The following SMG1 variants were observed in gnomAD, a reference collection of about 807,000 sequenced individuals.
SMG1 encodes serine/threonine-protein kinase SMG1.
SMG1 carries 22 observed loss-of-function variants against 419.9 expected under a neutral mutation model. The ratio of observed to expected loss-of-function variants is 0.05; its 90% CI spans 0.04 to 0.07. The LOEUF (loss-of-function observed/expected upper bound fraction) is 0.07. Ranked by LOEUF, SMG1 falls within the 10% of genes least tolerant of loss-of-function variation. The pLI is 1.00. For synonymous variants in SMG1, 1,538 were observed against 1,553.5 expected (o/e 0.99, Z 0.23); for missense variants, 3,185 against 4,342.0 (o/e 0.73, Z 7.49).
chr16:18,830,165 T>A (rs1567330690), intron 52 of SMG1, 50 bp from the exon 53 acceptor site: 1 of 1,608,496 alleles, frequency 6.2e-7, no homozygotes, highest in East Asian at 2.2e-5. Context: ...TTGACACAAC[T>A]GAACAACTAC....
intron 1 of SMG1, among the ~76,000 whole-genome samples, chr16:18,919,049 C>T (rs567112735): frequency 6.6e-6 from 1 of 152,012 alleles, no homozygotes; most frequent in South Asian, 2.1e-4. Flanking sequence ...GGCCGTGGCC[C>T]AGTGCAGTAG....
At chr16:18,841,890 T>C in intron 40 of SMG1, 96 bp from the exon 41 acceptor site, 3 of 1,012,136 alleles carry the variant, frequency 3.0e-6, no homozygotes, top group Non-Finnish European at 4.6e-6. Flanking sequence ...AGTCAAAAAC[T>C]GACAGTCCAT....
intron 33 of SMG1, 69 bp from the exon 34 acceptor site, chr16:18,850,536 G>A: frequency 1.8e-6 from 2 of 1,090,452 alleles, no homozygotes; most frequent in Non-Finnish European, 2.6e-6. Flanking sequence ...TATGTAATTT[G>A]ACTATCATAA....
In SMG1 at chr16:18,805,513, T is replaced by C. The variant is rs915600020; in HGVS notation, c.*4056A>G. 1 of 152,172 alleles carries C rather than the reference T, an allele frequency of 6.6e-6. No individual in the cohort carries two copies. The highest frequency in any genetic ancestry group is 2.1e-4 in the South Asian group (1 of 4,830). 9.4% of individuals were successfully genotyped at this position (152,172 alleles called of 1,614,324 possible). A position where few individuals can be genotyped will look rare whatever the true frequency, so the allele number is the denominator to read the frequency against. Reference sequence around the variant, plus strand: ...AGCTTTTCTCATTAAGAGTCAGTTTTACCCTTCTGTAAATAAGGATGGTGA... The same window carrying C: ...AGCTTTTCTCATTAAGAGTCAGTTTCACCCTTCTGTAAATAAGGATGGTGA... On this transcript the variant is annotated 3_prime_UTR_variant, in exon 63 of 63. Transcript: ENST00000446231.
In SMG1 at chr16:18,839,950, A is replaced by G; in HGVS notation, c.6697-4T>C. On this transcript the variant is annotated splice_region_variant and splice_polypyrimidine_tract_variant and intron_variant, in intron 41 of 62. Coordinates refer to ENST00000446231, the MANE Select transcript of SMG1 (RefSeq NM_015092.5). ...GAGTTTGGTAGGAATCTTGGGCCTT[A>G]AGAAAAAACAATTTTTTTAAAAAAG... 6.5e-7 allele frequency: 1 copy of G among 1,532,050 alleles called. No homozygotes were observed. The highest frequency in any genetic ancestry group is 8.8e-7 in the Non-Finnish European group (1 of 1,138,348). The allele number at this position is 1,532,050 out of a possible 1,614,324, so 94.9% of individuals were successfully genotyped here. A position where few individuals can be genotyped will look rare whatever the true frequency, so the allele number is the denominator to read the frequency against.
chr16:18,817,524 G>T (rs1237681848), intron 56 of SMG1, 54 bp from the exon 57 acceptor site: 2 of 1,388,134 alleles, frequency 1.4e-6, no homozygotes, highest in African/African-American at 2.9e-5. Flanking sequence ...GTGGGAAAGG[G>T]AGGTGGCAAT....
intron 1 of SMG1, among the ~76,000 whole-genome samples, chr16:18,900,751 T>C (rs569412507): frequency 8.6e-4 from 131 of 152,308 alleles, no homozygotes; most frequent in Non-Finnish European, 1.4e-3. Context: ...ACTTATTCTC[T>C]AAAGTAGCAA....
intron 40 of SMG1, 48 bp downstream of exon 40, chr16:18,842,160 A>G (rs2033963845): frequency 1.3e-6 from 2 of 1,557,048 alleles, no homozygotes; most frequent in African/African-American, 1.4e-5. Flanking sequence ...ACAAAGCATT[A>G]GTAAGACTAA....
Position 18,834,255 on chromosome 16 carries a change from C to A in SMG1, c.8514G>T (p.Met2838Ile), listed in dbSNP as rs1190458019. 6 of 1,609,582 alleles carry A rather than the reference C, an allele frequency of 3.7e-6. No homozygotes were observed. Among genetic ancestry groups the A allele is most frequent in the Non-Finnish European group, 4.2e-6 (5 of 1,177,956 alleles). The change falls in exon 50 of 63, where the codon ATG (methionine) becomes ATT (isoleucine). Residue 2838 changes from methionine (M) to isoleucine (I), a missense_variant. By Grantham distance (10) the Met-to-Ile change is conservative (BLOSUM62 1). Coordinates refer to ENST00000446231, the MANE Select transcript of SMG1 (RefSeq NM_015092.5). ...CTAAGTGAACTGTCTCAGACGCTTC[C>A]ATGGGGTTCGGGATATCTAAGTCCT... The part of the protein sequence containing the change: ...VPQDLDIPNP[M>I]EASETVHLAN...
In SMG1 at chr16:18,842,322, T is replaced by C. The variant is rs768643965; in HGVS notation, c.6352A>G (p.Thr2118Ala). Residue 2118 changes from threonine to alanine, a missense_variant, in exon 40 of 63, where the codon ACT (threonine) becomes GCT (alanine). Coordinates refer to ENST00000446231, the MANE Select transcript of SMG1 (RefSeq NM_015092.5). ...ALPGEVSARD[T>A]VTIHSVGGTI... ...CCGCCCACACTATGGATTGTGACAG[T>C]GTCTCTGGCTGAGACTTCCCCAGGA... The C allele has an allele frequency of 2.0e-5, 33 of 1,613,936 alleles. No homozygotes were observed. Among genetic ancestry groups the C allele is most frequent in the Non-Finnish European group, 2.8e-5 (33 of 1,179,898 alleles).
rs1166852712 is a variant in SMG1, at chr16:18,872,176, T to C, written c.2183+8A>G. On this transcript the variant is annotated splice_region_variant and intron_variant, in intron 15 of 62. Coordinates refer to ENST00000446231, the MANE Select transcript of SMG1 (RefSeq NM_015092.5). ...TAGGAATAGTTAATACTATATAATA[T>C]CTGTTACCTCGTGTCCTGGTTAAGG... The C allele has an allele frequency of 7.1e-7, 1 of 1,406,254 alleles. No homozygotes were observed. Among genetic ancestry groups the C allele is most frequent in the Admixed American group, 2.0e-5 (1 of 48,850 alleles). The allele number at this position is 1,406,254 out of a possible 1,614,324, so 87.1% of individuals were successfully genotyped here.
chr16:18,845,775 G>GCAAAC, intron 38 of SMG1, 124 bp from the exon 39 acceptor site: 1 of 725,950 alleles, frequency 1.4e-6, no homozygotes, highest in Non-Finnish European at 2.2e-6. Context: ...TCTAAATAAA[G>GCAAAC]CAATAACATA....
Position 18,926,372 on chromosome 16 carries a change from G to A in SMG1, c.-331C>T, listed in dbSNP as rs1433690205. Reference sequence around the variant, plus strand: ...CGGAGGACGAGGACGACGAGGAGCAGGCGGTGGCGGCAGCTCCTCACGCTC... The same window carrying A: ...CGGAGGACGAGGACGACGAGGAGCAAGCGGTGGCGGCAGCTCCTCACGCTC... On this transcript the variant is annotated 5_prime_UTR_variant, in exon 1 of 63. Transcript: ENST00000446231. 3 of 300,582 alleles carry A rather than the reference G, an allele frequency of 1.0e-5. No homozygotes were observed. The highest frequency in any genetic ancestry group is 1.8e-5 in the Non-Finnish European group (3 of 162,540). 18.6% of individuals were successfully genotyped at this position (300,582 alleles called of 1,614,324 possible).
intron 8 of SMG1, chr16:18,884,806 C>T (rs1261321289): frequency 9.1e-6 from 3 of 330,374 alleles, no homozygotes; most frequent in Non-Finnish European, 1.6e-5. Context: ...CCATTGTCCA[C>T]TTCAGGGTAT....
At chr16:18,820,305 C>G (rs1242219458) in intron 55 of SMG1, among the ~76,000 whole-genome samples, 1 of 151,818 alleles carries the variant, frequency 6.6e-6, no homozygotes, top group Non-Finnish European at 1.5e-5. Flanking sequence ...TGAGCTCAAG[C>G]CATCCTCCCA....
chr16:18,839,023 G>C (rs544159028), intron 42 of SMG1, among the ~76,000 whole-genome samples: 13 of 151,850 alleles, frequency 8.6e-5, no homozygotes, highest in African/African-American at 2.2e-4. Context: ...TGGTTGAAAC[G>C]GGGTTCAGTG....
intron 35 of SMG1, 117 bp downstream of exon 35, chr16:18,849,832 T>C: frequency 1.0e-6 from 1 of 988,488 alleles, no homozygotes; most frequent in Non-Finnish European, 1.5e-6. Context: ...TCCTAGGAAG[T>C]TAATCTGGCT....
chr16:18,850,195 A>C (rs763134922), intron 34 of SMG1, 42 bp downstream of exon 34: 3 of 1,579,886 alleles, frequency 1.9e-6, no homozygotes, highest in Non-Finnish European at 2.6e-6. Context: ...TAATAAGAAA[A>C]AGTTTCCAAA....
intron 6 of SMG1, among the ~76,000 whole-genome samples, chr16:18,887,211 AT>A (rs2036647556): frequency 6.6e-6 from 1 of 152,206 alleles, no homozygotes; most frequent in South Asian, 2.1e-4. Flanking sequence ...GAATGTGAGA[AT>A]TTTCACAAGA....
Sources: gnomAD v4.1 joint callset for allele counts (sites outside exome capture counted in the v4.1 genomes callset) on GRCh38, gnomAD v4.1.1 for gene constraint, MANE v1.5 for transcripts, NCBI Gene and HGNC (gene_info 2026-07-23, HGNC 2026-07-21) for gene names.